Variants in NEK11 observed in about 807,000 individuals in gnomAD.
The protein encoded by NEK11 is serine/threonine-protein kinase Nek11.
A neutral mutation model predicts 80.7 loss-of-function variants in NEK11; 72 were observed. The observed-to-expected ratio is 0.89, with a 90% CI of 0.74 to 1.08. The LOEUF (loss-of-function observed/expected upper bound fraction) is 1.08, where lower values mean the gene tolerates loss of function less well. Among genes scored for constraint, NEK11 ranks in the 50% least tolerant of loss-of-function variants. The probability of loss-of-function intolerance (pLI) is 0.00; values close to 1 mark genes in which losing one functional copy is unlikely to be tolerated. For missense variants in NEK11, 764 were observed against 763.6 expected, an observed-to-expected ratio of 1.00 and a Z score of -0.01; for synonymous variants, 251 against 260.7, an observed-to-expected ratio of 0.96 and a Z score of 0.36.
At chr3:131,245,067 T>C (rs577231226) in intron 16 of NEK11, among the ~76,000 whole-genome samples, 112 of 152,174 alleles carry the variant, frequency 7.4e-4, no homozygotes, top group Non-Finnish European at 1.3e-3. Flanking sequence ...ATTAAGTAAT[T>C]TTTTTATCAC....
At chr3:131,089,925 G>A (rs1425050282) in intron 4 of NEK11, among the ~76,000 whole-genome samples, 3 of 152,188 alleles carry the variant, frequency 2.0e-5, no homozygotes, top group African/African-American at 4.8e-5. Flanking sequence ...TCAGTCCAGC[G>A]AATTAATAAC....
chr3:131,328,009 C>T (rs549587508), intron 17 of NEK11, among the ~76,000 whole-genome samples: 1 of 151,888 alleles, frequency 6.6e-6, no homozygotes, highest in South Asian at 2.1e-4. Context: ...TATAGCCAAG[C>T]ATGGTGCCTC....
intron 3 of NEK11, among the ~76,000 whole-genome samples, chr3:131,076,911 A>T (rs1390568449): frequency 6.6e-6 from 1 of 152,226 alleles, no homozygotes; most frequent in Non-Finnish European, 1.5e-5. Context: ...TACCTGAAGC[A>T]GTGTATGCTG....
intron 4 of NEK11, among the ~76,000 whole-genome samples, chr3:131,088,588 T>TA (rs920986681): frequency 5.3e-5 from 8 of 152,146 alleles, no homozygotes; most frequent in Non-Finnish European, 1.0e-4. Context: ...GGTTTTTTTT[T>TA]AAAAAACCCT....
At chr3:131,035,442 T>C (rs2065497416) in intron 3 of NEK11, among the ~76,000 whole-genome samples, 3 of 152,210 alleles carry the variant, frequency 2.0e-5, no homozygotes, top group African/African-American at 4.8e-5. Flanking sequence ...TTTCTACTTA[T>C]AGAAATCTCA....
intron 11 of NEK11, among the ~76,000 whole-genome samples, chr3:131,165,085 T>C (rs1490119580): frequency 6.6e-6 from 1 of 152,142 alleles, no homozygotes; most frequent in Non-Finnish European, 1.5e-5. Flanking sequence ...CTGAAAGCAG[T>C]TTTTGTGTTA....
At chr3:131,336,265 C>A (rs576559625) in intron 17 of NEK11, among the ~76,000 whole-genome samples, 3 of 152,260 alleles carry the variant, frequency 2.0e-5, no homozygotes, top group Non-Finnish European at 4.4e-5. Flanking sequence ...TGGTACCAAA[C>A]AGAGATATAG....
intron 17 of NEK11, among the ~76,000 whole-genome samples, chr3:131,337,710 G>A (rs766556595): frequency 2.3e-4 from 35 of 152,094 alleles, no homozygotes; most frequent in Middle Eastern, 3.4e-3. Context: ...CATTTATAAA[G>A]GAAGACAGTG....
intron 5 of NEK11, among the ~76,000 whole-genome samples, chr3:131,122,379 T>A (rs2082535237): frequency 6.6e-6 from 1 of 152,200 alleles, no homozygotes; most frequent in South Asian, 2.1e-4. Flanking sequence ...GAGCCAGGTG[T>A]AGGCACACTC....
Position 131,267,308 on chromosome 3 carries a change from T to A in NEK11, c.1622-6170T>A, listed in dbSNP as rs1034596242. Among the ~76,000 whole-genome samples, 7 of 152,226 alleles carry A rather than the reference T, an allele frequency of 4.6e-5. No homozygotes were observed. The East Asian group carries it at 1.3e-3, about 29-fold the overall frequency. Reference sequence around the variant, plus strand: ...TAAATGGTCTTTACAATTTAGCATGTTTTTGCAGTGGCTGGTACTGGTCGT... The same window carrying A: ...TAAATGGTCTTTACAATTTAGCATGATTTTGCAGTGGCTGGTACTGGTCGT... On this transcript the variant is annotated intron_variant, in intron 16 of 17. Transcript: ENST00000383366.
chr3:131,296,092 TG>T (rs1480212242), intron 17 of NEK11, among the ~76,000 whole-genome samples: 1 of 152,106 alleles, frequency 6.6e-6, no homozygotes, highest in Non-Finnish European at 1.5e-5. Context: ...TCACCTGCGT[TG>T]GCCTCCCAAA....
chr3:131,113,820 A>C (rs1578448939), intron 5 of NEK11, among the ~76,000 whole-genome samples: 1 of 150,188 alleles, frequency 6.7e-6, no homozygotes. Flanking sequence ...CTGAGGCAGG[A>C]GAATGGCTTG....
intron 5 of NEK11, among the ~76,000 whole-genome samples, chr3:131,110,662 G>A (rs574446240): frequency 5.3e-5 from 8 of 152,190 alleles, no homozygotes; most frequent in African/African-American, 1.9e-4. Flanking sequence ...GTCTGTGGTC[G>A]CTTTCACCTT....
chr3:131,264,116 C>T (rs999413531), intron 16 of NEK11, among the ~76,000 whole-genome samples: 13 of 152,230 alleles, frequency 8.5e-5, no homozygotes, highest in African/African-American at 3.1e-4. Context: ...GATATTAGCC[C>T]TTTGTCAGAT....
chr3:131,264,650 A>G (rs142606644), intron 16 of NEK11, among the ~76,000 whole-genome samples: 31,820 of 151,758 alleles, frequency 0.21, 6,585 homozygotes, highest in African/African-American at 0.53. Flanking sequence ...GTAGCGTGAT[A>G]CCTCCAGCTT....
At chr3:131,273,124 G>A (rs540985109) in intron 16 of NEK11, among the ~76,000 whole-genome samples, 1 of 152,300 alleles carries the variant, frequency 6.6e-6, no homozygotes, top group Non-Finnish European at 1.5e-5. Flanking sequence ...CACACCTGCT[G>A]AAAGAGAATG....
At chr3:131,127,383 G>A (rs1173738804) in intron 5 of NEK11, among the ~76,000 whole-genome samples, 1 of 151,736 alleles carries the variant, frequency 6.6e-6, no homozygotes, top group East Asian at 1.9e-4. Context: ...TCAAACATAT[G>A]CACTAAATTC....
intron 14 of NEK11, among the ~76,000 whole-genome samples, chr3:131,202,630 G>A (rs1354001059): frequency 1.3e-5 from 2 of 152,186 alleles, no homozygotes; most frequent in Admixed American, 1.3e-4. Context: ...TACCATCAGA[G>A]TGAACAGGCA....
In NEK11 at chr3:131,112,446, A is replaced by C. The variant is rs564533815; in HGVS notation, c.455+2525A>C. Reference sequence around the variant, plus strand: ...GGTTTTGCCTGGAAGGGGCACAAAGAAACCTGGGATGTTAGAAATGTTCTA... The same window carrying C: ...GGTTTTGCCTGGAAGGGGCACAAAGCAACCTGGGATGTTAGAAATGTTCTA... On this transcript the variant is annotated intron_variant, in intron 5 of 17. Coordinates refer to ENST00000383366, the MANE Select transcript of NEK11 (RefSeq NM_024800.5). 7.9e-5 allele frequency among the ~76,000 whole-genome samples: 12 copies of C among 152,288 alleles called. No individual in the cohort carries two copies. The South Asian group carries it at 2.5e-3, about 32-fold the overall frequency.
Sources: gnomAD v4.1 joint callset for allele counts (sites outside exome capture counted in the v4.1 genomes callset) on GRCh38, gnomAD v4.1.1 for gene constraint, MANE v1.5 for transcripts, NCBI Gene and HGNC (gene_info 2026-07-23, HGNC 2026-07-21) for gene names.